CACNA1C: variants seen among roughly 807,000 people sequenced by gnomAD.
CACNA1C encodes the protein voltage-dependent L-type calcium channel subunit alpha-1C.
A neutral mutation model predicts 229.0 loss-of-function variants in CACNA1C; 30 were observed. The observed-to-expected ratio is 0.13, with a 90% confidence interval of 0.10 to 0.18. CACNA1C has a LOEUF of 0.18. Ranked by LOEUF, CACNA1C falls within the 10% of genes least tolerant of loss-of-function variation. CACNA1C has a pLI of 1.00. For missense variants in CACNA1C, 1,658 were observed against 2,845.0 expected (o/e 0.58, Z 9.49); for synonymous variants, 1,114 against 1,132.5 (o/e 0.98, Z 0.33).
At position 2,647,053 on chromosome 12, in the gene CACNA1C, GA is replaced by G. The variant is rs1020932323; in HGVS notation, c.3913-1412del. Among the ~76,000 whole-genome samples, 16 of 147,670 alleles carry G rather than the reference GA, an allele frequency of 1.1e-4. No homozygotes were observed. Among genetic ancestry groups the G allele is most frequent in the African/African-American group, 3.2e-4 (13 of 40,230 alleles). Reference sequence around the variant, plus strand: ...AAAGGGCATCCTACCAACTAGCTATGAAAAAAAAAAGAATTTGCTGAGAAAT... The same window carrying G: ...AAAGGGCATCCTACCAACTAGCTATGAAAAAAAAAGAATTTGCTGAGAAAT... On this transcript the variant is annotated intron_variant, in intron 30 of 46. Transcript: ENST00000399655. The surrounding 1 kb of genome is among the most constrained non-coding windows in gnomAD (Gnocchi z 4.2).
intron 3 of CACNA1C, among the ~76,000 whole-genome samples, chr12:2,383,482 G>A (rs2098304298): frequency 6.6e-6 from 1 of 152,170 alleles, no homozygotes; most frequent in African/African-American, 2.4e-5. Context: ...TTGAGCGAGG[G>A]GTCAGCTTCA....
intron 3 of CACNA1C, among the ~76,000 whole-genome samples, chr12:2,400,105 C>G (rs1406859564): frequency 6.6e-6 from 1 of 152,142 alleles, no homozygotes; most frequent in Non-Finnish European, 1.5e-5. Context: ...TGGTACTTTG[C>G]ATTATCTCAT....
chr12:2,600,434 C>A (rs977556230), intron 21 of CACNA1C, among the ~76,000 whole-genome samples: 4 of 152,224 alleles, frequency 2.6e-5, no homozygotes, highest in African/African-American at 9.6e-5. Context: ...TCTGCGGACA[C>A]TCTGCCCTGG....
chr12:2,414,207 G>A (rs1462143730), intron 3 of CACNA1C, among the ~76,000 whole-genome samples: 1 of 152,198 alleles, frequency 6.6e-6, no homozygotes, highest in Admixed American at 6.5e-5. Context: ...TTGATTTACT[G>A]TCTGCACATG....
At chr12:2,317,786 G>A (rs1289025348) in intron 3 of CACNA1C, among the ~76,000 whole-genome samples, 2 of 152,210 alleles carry the variant, frequency 1.3e-5, no homozygotes, top group Non-Finnish European at 2.9e-5. Flanking sequence ...GGCTCTGGTG[G>A]CGATTGGATG....
At chr12:2,551,951 A>G (rs1231129671) in intron 10 of CACNA1C, among the ~76,000 whole-genome samples, 1 of 152,178 alleles carries the variant, frequency 6.6e-6, no homozygotes, top group Non-Finnish European at 1.5e-5. Context: ...AGCCCTGAAC[A>G]AGGGTGGACA....
At chr12:2,414,866 G>C (rs2098847348) in intron 3 of CACNA1C, among the ~76,000 whole-genome samples, 1 of 152,166 alleles carries the variant, frequency 6.6e-6, no homozygotes, top group African/African-American at 2.4e-5. Flanking sequence ...GTTGGACAGG[G>C]GTGCTGGGAT....
chr12:2,164,911 A>G (rs899349009), intron 3 of CACNA1C, among the ~76,000 whole-genome samples: 6 of 152,176 alleles, frequency 3.9e-5, no homozygotes, highest in African/African-American at 1.2e-4. Context: ...TGGGGAGGGG[A>G]AAGAAGCAGA....
chr12:2,394,437 C>T (rs139254306), intron 3 of CACNA1C, among the ~76,000 whole-genome samples: 24 of 152,338 alleles, frequency 1.6e-4, no homozygotes, highest in African/African-American at 4.8e-4. Flanking sequence ...GAGCCACCTT[C>T]CCCTGCAAGT....
intron 38 of CACNA1C, among the ~76,000 whole-genome samples, chr12:2,669,740 G>A (rs905816095): frequency 1.3e-5 from 2 of 152,218 alleles, no homozygotes; most frequent in Non-Finnish European, 2.9e-5. Flanking sequence ...TGCGGGCTGA[G>A]CCTGGCTTAA....
Position 2,666,586 on chromosome 12 carries a change from C to A in CACNA1C, c.4527-100C>A. On this transcript the variant is annotated intron_variant, in intron 36 of 46. Coordinates refer to ENST00000399655, the MANE Select transcript of CACNA1C (RefSeq NM_000719.7). This position sits in a 1 kb window ranked among gnomAD's most constrained non-coding sequence, Gnocchi z 5.3. ...GGGCTACCACACTGTGCAGTGTTGCCCATATGAGTGGGCCCTACCCCTCAG... is the reference window on the plus strand; with the variant it reads ...GGGCTACCACACTGTGCAGTGTTGCACATATGAGTGGGCCCTACCCCTCAG... 1.5e-6 allele frequency: 1 copy of A among 683,194 alleles called. No homozygotes were observed. The highest frequency in any genetic ancestry group is 2.6e-6 in the Non-Finnish European group (1 of 378,798). The allele number at this position is 683,194 out of a possible 1,614,324, so 42.3% of individuals were successfully genotyped here.
chr12:2,128,815 G>C (rs188916848), intron 3 of CACNA1C, among the ~76,000 whole-genome samples: 1 of 152,166 alleles, frequency 6.6e-6, no homozygotes, highest in East Asian at 1.9e-4. Context: ...AGTGCCTTGC[G>C]TATAAATGCG....
At chr12:2,545,798 C>T (rs747183248) in intron 9 of CACNA1C, among the ~76,000 whole-genome samples, 1 of 152,222 alleles carries the variant, frequency 6.6e-6, no homozygotes, top group Non-Finnish European at 1.5e-5. Flanking sequence ...ATTCCCAGCA[C>T]CCTGCATAGT....
intron 3 of CACNA1C, among the ~76,000 whole-genome samples, chr12:2,140,172 C>T (rs1275108315): frequency 2.0e-5 from 3 of 151,154 alleles, no homozygotes; most frequent in Admixed American, 1.3e-4. Flanking sequence ...GTCCCATAAC[C>T]AGAGAACCTC....
intron 3 of CACNA1C, among the ~76,000 whole-genome samples, chr12:2,355,798 G>A (rs570166617): frequency 1.3e-4 from 20 of 152,178 alleles, no homozygotes; most frequent in Non-Finnish European, 2.2e-4. Flanking sequence ...GGTAGAGGCC[G>A]GGGATGCTGC....
chr12:2,230,083 G>A (rs568933706), intron 3 of CACNA1C, among the ~76,000 whole-genome samples: 1 of 150,380 alleles, frequency 6.6e-6, no homozygotes, highest in South Asian at 2.1e-4. Flanking sequence ...AGGGGAAGAA[G>A]GGGCCTGGAG....
intron 1 of CACNA1C, among the ~76,000 whole-genome samples, chr12:2,022,927 T>C (rs796594722): frequency 2.0e-5 from 3 of 152,266 alleles, no homozygotes; most frequent in African/African-American, 7.2e-5. Context: ...AAGAGAATGC[T>C]GTGGAAGGTA....
At chr12:2,179,355 G>T (rs533292054) in intron 3 of CACNA1C, among the ~76,000 whole-genome samples, 1 of 152,302 alleles carries the variant, frequency 6.6e-6, no homozygotes, top group South Asian at 2.1e-4. Flanking sequence ...CTGATGATAG[G>T]TTGGTCTTAG....
At chr12:2,685,064 G>C (rs2097374097) in intron 43 of CACNA1C, among the ~76,000 whole-genome samples, 1 of 152,174 alleles carries the variant, frequency 6.6e-6, no homozygotes, top group Admixed American at 6.5e-5. Context: ...AGTGGACTGG[G>C]ACTCACCAGG....
Sources: gnomAD v4.1 joint callset for allele counts (sites outside exome capture counted in the v4.1 genomes callset) on GRCh38, gnomAD v4.1.1 for gene constraint, Gnocchi (gnomAD v3.1) non-coding constraint, MANE v1.5 for transcripts, NCBI Gene and HGNC (gene_info 2026-07-23, HGNC 2026-07-21) for gene names.